RELN: variants seen among roughly 807,000 people sequenced by gnomAD.
RELN encodes the protein reelin.
A neutral mutation model predicts 427.6 loss-of-function variants in RELN; 108 were observed. The ratio of observed to expected loss-of-function variants is 0.25; its 90% CI spans 0.22 to 0.30. The LOEUF is 0.30. Among genes scored for constraint, RELN ranks in the 10% least tolerant of loss-of-function variants. The pLI, the probability that RELN is intolerant of heterozygous loss-of-function variation, is 1.00. For synonymous variants in RELN, 1,524 were observed against 1,513.4 expected, an observed-to-expected ratio of 1.01 and a Z score of -0.16; for missense variants, 3,715 against 4,302.8, an observed-to-expected ratio of 0.86 and a Z score of 3.82.
Position 103,567,986 on chromosome 7 carries a change from G to A in RELN, c.4589-1227C>T, listed in dbSNP as rs369423195. Among the ~76,000 whole-genome samples the A allele has an allele frequency of 2.0e-5, 3 of 152,116 alleles. No individual in the cohort carries two copies. The East Asian group carries it at 5.8e-4, about 29-fold the overall frequency. On this transcript the variant is annotated intron_variant, in intron 31 of 64. Transcript: ENST00000428762. ...TAATTTTTGTACTTTTTGTAAAGAC[G>A]GGGTTTTGCCATGTTGCTCAGGCTG...
At chr7:103,961,087 G>A (rs7809970) in intron 1 of RELN, among the ~76,000 whole-genome samples, 10 of 152,126 alleles carry the variant, frequency 6.6e-5, no homozygotes, top group African/African-American at 1.4e-4. Context: ...AATATAAAAC[G>A]TTGCTTGTGC....
intron 4 of RELN, among the ~76,000 whole-genome samples, chr7:103,767,346 T>A (rs1289115726): frequency 6.6e-6 from 1 of 152,212 alleles, no homozygotes; most frequent in Non-Finnish European, 1.5e-5. Context: ...CTACTTGGTA[T>A]AATGGAACCA....
intron 19 of RELN, among the ~76,000 whole-genome samples, chr7:103,633,070 T>C (rs1031421961): frequency 2.6e-5 from 4 of 152,150 alleles, no homozygotes; most frequent in Admixed American, 1.3e-4. Flanking sequence ...AACTTAGATA[T>C]ATTAAATTTT....
chr7:103,765,208 G>A (rs776790242), intron 4 of RELN, among the ~76,000 whole-genome samples: 21 of 152,182 alleles, frequency 1.4e-4, no homozygotes, highest in Non-Finnish European at 1.6e-4. Context: ...CCACTGAAGC[G>A]GAAGACATTG....
At chr7:103,681,760 G>C (rs1833656961) in intron 11 of RELN, among the ~76,000 whole-genome samples, 1 of 151,992 alleles carries the variant, frequency 6.6e-6, no homozygotes, top group African/African-American at 2.4e-5. Flanking sequence ...ATAAATCTCA[G>C]ACCCCAGGAA....
At position 103,963,134 on chromosome 7, in the gene RELN, C is replaced by CTTTTTTTTTT. The variant is rs61170235; in HGVS notation, c.226+25987_226+25996dup. ...TCTCTCTCTCTCCTCTTTTCGCCTT[C>CTTTTTTTTTT]TTTTTTTTTTCTCATTGGCGCTTTC... On this transcript the variant is annotated intron_variant, in intron 1 of 64. Coordinates refer to ENST00000428762, the MANE Select transcript of RELN (RefSeq NM_005045.4). 6.7e-4 allele frequency among the ~76,000 whole-genome samples: 93 copies of CTTTTTTTTTT among 139,286 alleles called. 1 individual carries two copies. The highest frequency in any genetic ancestry group is 1.2e-3 in the African/African-American group (42 of 36,430). The allele number at this position is 139,286 out of a possible 152,430, so 91.4% of individuals were successfully genotyped here.
chr7:103,958,615 T>C (rs1216250824), intron 1 of RELN, among the ~76,000 whole-genome samples: 1 of 152,146 alleles, frequency 6.6e-6, no homozygotes, highest in African/African-American at 2.4e-5. Context: ...ATGGGTGTAC[T>C]TTTTGTCAGA....
chr7:103,480,659 A>G (rs998429896), intron 63 of RELN, among the ~76,000 whole-genome samples: 4 of 152,228 alleles, frequency 2.6e-5, no homozygotes, highest in African/African-American at 9.6e-5. Flanking sequence ...AGGAAAATAA[A>G]TTCCTTTAAC....
At chr7:103,502,004 T>A (rs7804453) in intron 52 of RELN, among the ~76,000 whole-genome samples, 22,519 of 152,174 alleles carry the variant, frequency 0.15, 1,894 homozygotes, top group East Asian at 0.29. Context: ...GAGAGCTGAG[T>A]ATGCCGCCAG....
intron 3 of RELN, among the ~76,000 whole-genome samples, chr7:103,817,937 C>CAAAAAAAAAAAAAAA (rs71154371): frequency 4.7e-3 from 168 of 35,982 alleles, no homozygotes; most frequent in Non-Finnish European, 5.3e-3. Flanking sequence ...GACTCCATCT[C>CAAAAAAAAAAAAAAA]AAAAAAAAAA....
rs149841272 is a variant in RELN at position 103,786,824 on chromosome 7, C to G, written c.474-10197G>C. ...AGAAAATTTACAAGGATATTCAGGA[C>G]TTGAACTCAGTCCTGGACCAAGCGG... On this transcript the variant is annotated intron_variant, in intron 3 of 64. Transcript: ENST00000428762. Among the ~76,000 whole-genome samples the G allele has an allele frequency of 2.8e-3, 432 of 152,200 alleles. 2 individuals carry two copies. The highest frequency in any genetic ancestry group is 9.6e-3 in the African/African-American group (398 of 41,546).
chr7:103,759,089 GTACTT>G (rs1276126371), intron 4 of RELN, among the ~76,000 whole-genome samples: 3 of 151,922 alleles, frequency 2.0e-5, no homozygotes, highest in Non-Finnish European at 4.4e-5. Context: ...TTTTTAGAAG[GTACTT>G]TAAAGTTTGA....
rs151059655 is a variant in RELN at position 103,856,826 on chromosome 7, T to C, written c.338-23154A>G. ...CTTCTATTAGCAAATTTTTTTATCA[T>C]GCATGCATAATTATATATTTGTCGA... On this transcript the variant is annotated intron_variant, in intron 2 of 64. Transcript: ENST00000428762. Among the ~76,000 whole-genome samples the C allele has an allele frequency of 2.2e-3, 329 of 152,274 alleles. 3 individuals are homozygous for C. Among genetic ancestry groups the C allele is most frequent in the African/African-American group, 7.1e-3 (295 of 41,582 alleles).
intron 4 of RELN, among the ~76,000 whole-genome samples, chr7:103,763,822 C>G (rs1322036264): frequency 1.3e-5 from 2 of 151,744 alleles, no homozygotes; most frequent in African/African-American, 4.8e-5. Flanking sequence ...CCAGGCTGAA[C>G]TGGGGGGAAA....
At chr7:103,986,451 C>T (rs1175052158) in intron 1 of RELN, among the ~76,000 whole-genome samples, 1 of 151,998 alleles carries the variant, frequency 6.6e-6, no homozygotes, top group African/African-American at 2.4e-5. Flanking sequence ...AAATACGACA[C>T]ATACAGGGAC....
chr7:103,496,870 T>C, intron 55 of RELN, 102 bp from the exon 56 acceptor site: 4 of 1,379,620 alleles, frequency 2.9e-6, no homozygotes, highest in Non-Finnish European at 3.1e-6. Flanking sequence ...CAAAGAAATT[T>C]TCAGCCAGGA....
At chr7:103,919,750 C>T (rs960395719) in intron 1 of RELN, among the ~76,000 whole-genome samples, 22 of 152,266 alleles carry the variant, frequency 1.4e-4, no homozygotes, top group African/African-American at 4.3e-4. Context: ...CTTAACTCAT[C>T]GCTTACATCC....
intron 60 of RELN, among the ~76,000 whole-genome samples, chr7:103,488,727 A>AC (rs1828535327): frequency 6.6e-6 from 1 of 152,202 alleles, no homozygotes; most frequent in South Asian, 2.1e-4. Flanking sequence ...GAACAACTTG[A>AC]CTAGTGGTCT....
chr7:103,933,813 G>A (rs771132900), intron 1 of RELN, among the ~76,000 whole-genome samples: 1 of 152,050 alleles, frequency 6.6e-6, no homozygotes, highest in African/African-American at 2.4e-5. Flanking sequence ...TTCTAACCAC[G>A]TGGCCTCATG....
Sources: gnomAD v4.1 joint callset for allele counts (sites outside exome capture counted in the v4.1 genomes callset) on GRCh38, gnomAD v4.1.1 for gene constraint, MANE v1.5 for transcripts, NCBI Gene and HGNC (gene_info 2026-07-23, HGNC 2026-07-21) for gene names.